PDGFRL: variants seen among roughly 807,000 people sequenced by gnomAD.
PDGFRL encodes the protein platelet derived growth factor receptor like, also known as platelet-derived growth factor receptor-like protein.
Under a neutral mutation model 37.2 loss-of-function variants are expected in PDGFRL, and 46 were observed. The ratio of observed to expected loss-of-function variants is 1.24; its 90% CI spans 0.98 to 1.58. The LOEUF (loss-of-function observed/expected upper bound fraction) is 1.58, where lower values mean the gene tolerates loss of function less well. Among genes scored for constraint, PDGFRL ranks in the 40% most tolerant of loss-of-function variants. The pLI, the probability that PDGFRL is intolerant of heterozygous loss-of-function variation, is 0.00. For missense variants in PDGFRL, 692 were observed against 467.6 expected (o/e 1.48, Z -4.43); for synonymous variants, 251 against 184.3 (o/e 1.36, Z -2.93).
intron 1 of PDGFRL, among the ~76,000 whole-genome samples, chr8:17,577,910 T>C (rs532019555): frequency 9.3e-4 from 142 of 151,890 alleles, no homozygotes; most frequent in South Asian, 7.3e-3. Flanking sequence ...ATTTATCTAA[T>C]TGGATGGGAA....
intron 2 of PDGFRL, among the ~76,000 whole-genome samples, chr8:17,590,517 G>A (rs1237161129): frequency 1.3e-5 from 2 of 151,950 alleles, no homozygotes; most frequent in Non-Finnish European, 2.9e-5. Context: ...TTGGAGATTA[G>A]CCTGGCCAAC....
intron 2 of PDGFRL, among the ~76,000 whole-genome samples, chr8:17,613,491 G>A (rs889514059): frequency 9.2e-5 from 14 of 152,160 alleles, no homozygotes; most frequent in African/African-American, 3.4e-4. Flanking sequence ...GGACCTGCAG[G>A]GGTGAGAGTG....
At position 17,641,889 on chromosome 8, in the gene PDGFRL, A is replaced by T. The variant is rs537477636; in HGVS notation, c.940-724A>T. Among the ~76,000 whole-genome samples, 4 of 52,392 alleles carry T rather than the reference A, an allele frequency of 7.6e-5. No individual in the cohort carries two copies. The Admixed American group carries it at 8.9e-4, about 12-fold the overall frequency. 34.4% of individuals were successfully genotyped at this position (52,392 alleles called of 152,430 possible). ...ACTTACAGGACATTGATGATTTTCA[A>T]TAGAGGTCCCCGCCACATTGCTATT... On this transcript the variant is annotated intron_variant, in intron 5 of 5. Transcript: ENST00000251630.
chr8:17,591,142 A>G (rs936217008), intron 2 of PDGFRL, among the ~76,000 whole-genome samples: 1 of 152,100 alleles, frequency 6.6e-6, no homozygotes, highest in African/African-American at 2.4e-5. Context: ...TCGGCCTCCC[A>G]AAGTGCTGGG....
At chr8:17,612,960 T>G (rs1189119407) in intron 2 of PDGFRL, among the ~76,000 whole-genome samples, 1 of 152,234 alleles carries the variant, frequency 6.6e-6, no homozygotes, top group African/African-American at 2.4e-5. Flanking sequence ...ATTGTGAATA[T>G]TTTTATGTGT....
intron 5 of PDGFRL, among the ~76,000 whole-genome samples, chr8:17,640,789 G>A (rs1351065599): frequency 6.6e-6 from 1 of 152,178 alleles, no homozygotes; most frequent in Non-Finnish European, 1.5e-5. Flanking sequence ...AGCATTAGCT[G>A]CAGTAGTATA....
chr8:17,615,781 G>A (rs1804510938), intron 2 of PDGFRL, among the ~76,000 whole-genome samples: 1 of 152,176 alleles, frequency 6.6e-6, no homozygotes, highest in African/African-American at 2.4e-5. Context: ...AGCCGGATGT[G>A]GTGGCACATG....
At chr8:17,642,291 C>T (rs535698776) in intron 5 of PDGFRL, among the ~76,000 whole-genome samples, 4 of 152,274 alleles carry the variant, frequency 2.6e-5, no homozygotes, top group South Asian at 4.1e-4. Context: ...AAAATTTTGT[C>T]CCTGCTTATG....
intron 1 of PDGFRL, among the ~76,000 whole-genome samples, chr8:17,583,163 A>G (rs1409689321): frequency 6.6e-6 from 1 of 152,184 alleles, no homozygotes; most frequent in Non-Finnish European, 1.5e-5. Flanking sequence ...AGGATGTATC[A>G]GAAAGCCTGA....
At chr8:17,642,312 G>T (rs1451471376) in intron 5 of PDGFRL, among the ~76,000 whole-genome samples, 2 of 152,176 alleles carry the variant, frequency 1.3e-5, no homozygotes, top group African/African-American at 2.4e-5. Flanking sequence ...CTTAATACCA[G>T]TTCCACTTCC....
intron 3 of PDGFRL, among the ~76,000 whole-genome samples, chr8:17,626,618 A>G (rs1804739542): frequency 6.6e-6 from 1 of 152,202 alleles, no homozygotes; most frequent in Admixed American, 6.5e-5. Flanking sequence ...TGGGGAAAAC[A>G]CAAGAAAGCA....
At chr8:17,585,896 C>T (rs1189502417) in intron 1 of PDGFRL, among the ~76,000 whole-genome samples, 2 of 152,138 alleles carry the variant, frequency 1.3e-5, no homozygotes, top group Non-Finnish European at 2.9e-5. Flanking sequence ...CTGCTTCCTT[C>T]TTGCTTTGTA....
chr8:17,608,281 T>C (rs1554551881), intron 2 of PDGFRL, among the ~76,000 whole-genome samples: 1 of 152,138 alleles, frequency 6.6e-6, no homozygotes, highest in Non-Finnish European at 1.5e-5. Context: ...TCAGTTACAT[T>C]GGAGCAGAGG....
chr8:17,623,557 G>C (rs569909072), intron 3 of PDGFRL, among the ~76,000 whole-genome samples: 1 of 152,166 alleles, frequency 6.6e-6, no homozygotes, highest in Non-Finnish European at 1.5e-5. Context: ...TGCAGGCTTA[G>C]CTTGGGCAGA....
At chr8:17,602,453 G>T (rs1338739059) in intron 2 of PDGFRL, among the ~76,000 whole-genome samples, 1 of 152,158 alleles carries the variant, frequency 6.6e-6, no homozygotes, top group East Asian at 1.9e-4. Context: ...TCTGATGGAG[G>T]TAGCTTCAGG....
At chr8:17,607,975 C>G (rs573707198) in intron 2 of PDGFRL, among the ~76,000 whole-genome samples, 17 of 152,354 alleles carry the variant, frequency 1.1e-4, no homozygotes, top group Admixed American at 7.2e-4. Context: ...CTCCGTCCCA[C>G]CCACACAGCC....
chr8:17,610,767 C>T (rs751560329), intron 2 of PDGFRL, among the ~76,000 whole-genome samples: 5 of 152,206 alleles, frequency 3.3e-5, no homozygotes, highest in African/African-American at 9.6e-5. Flanking sequence ...AAAAATTAGC[C>T]GGGCCTGGTG....
chr8:17,609,619 C>T lies in PDGFRL; in HGVS notation c.354-11432C>T, dbSNP rs1382755689. ...CGCCACTGCACTCCAGCCTGGGTGA[C>T]AGAGTGAGACTCTGTAAAAAAAAAA... On this transcript the variant is annotated intron_variant, in intron 2 of 5. Coordinates refer to ENST00000251630, the MANE Select transcript of PDGFRL (RefSeq NM_001372073.1). 4.6e-5 allele frequency among the ~76,000 whole-genome samples: 5 copies of T among 107,696 alleles called. No homozygotes were observed. In the Admixed American group the frequency reaches 7.1e-4, roughly 15 times the overall value. The allele number at this position is 107,696 out of a possible 152,430, so 70.7% of individuals were successfully genotyped here.
At chr8:17,601,845 A>G (rs1226604044) in intron 2 of PDGFRL, among the ~76,000 whole-genome samples, 1 of 152,142 alleles carries the variant, frequency 6.6e-6, no homozygotes, top group Non-Finnish European at 1.5e-5. Context: ...TGTATGTACC[A>G]CATTTTCTTT....
Sources: gnomAD v4.1 joint callset for allele counts (sites outside exome capture counted in the v4.1 genomes callset) on GRCh38, gnomAD v4.1.1 for gene constraint, MANE v1.5 for transcripts, NCBI Gene and HGNC (gene_info 2026-07-23, HGNC 2026-07-21) for gene names.